Variants in XRCC4 observed in about 807,000 individuals in gnomAD.
XRCC4 encodes the protein X-ray repair cross complementing 4, also known as DNA repair protein XRCC4.
A neutral mutation model predicts 39.1 loss-of-function variants in XRCC4; 28 were observed. That is an observed-to-expected ratio of 0.72 (90% confidence interval 0.53 to 0.98). XRCC4 has a LOEUF of 0.98. Among genes scored for constraint, XRCC4 ranks in the 50% least tolerant of loss-of-function variants. The probability of loss-of-function intolerance (pLI) is 0.00; values close to 1 mark genes in which losing one functional copy is unlikely to be tolerated. For missense variants in XRCC4, 350 were observed against 376.4 expected (o/e 0.93, Z 0.58); for synonymous variants, 123 against 126.4 (o/e 0.97, Z 0.18).
chr5:83,366,129 GGTGA>G, the XRCC4 span, among the ~76,000 whole-genome samples: 1 of 152,058 alleles, frequency 6.6e-6, no homozygotes, highest in Non-Finnish European at 1.5e-5. Context: ...TTTATACATA[GGTGA>G]GTATTATACA....
At chr5:83,182,902 G>A (rs1750266332) in intron 3 of XRCC4, among the ~76,000 whole-genome samples, 1 of 152,162 alleles carries the variant, frequency 6.6e-6, no homozygotes, top group Admixed American at 6.5e-5. Context: ...TCCTAGAACT[G>A]TGAGCAGTTA....
At chr5:83,190,744 TTTTA>T (rs1247252596) in intron 3 of XRCC4, among the ~76,000 whole-genome samples, 1 of 152,202 alleles carries the variant, frequency 6.6e-6, no homozygotes, top group Non-Finnish European at 1.5e-5. Context: ...TTACTGATAC[TTTTA>T]TTTGTGTGGC....
Position 83,138,071 on chromosome 5 carries a change from A to G in XRCC4, c.315+26868A>G, listed in dbSNP as rs145565552. ...TGAGTTCAGATAGATTAATAATGCTAACTCACAGGGTTTTATGCTTGTGGA... is the reference window on the plus strand; with the variant it reads ...TGAGTTCAGATAGATTAATAATGCTGACTCACAGGGTTTTATGCTTGTGGA... On this transcript the variant is annotated intron_variant, in intron 3 of 7. Coordinates refer to ENST00000396027, the MANE Select transcript of XRCC4 (RefSeq NM_003401.5). Among the ~76,000 whole-genome samples, 322 of 152,274 alleles carry G rather than the reference A, an allele frequency of 2.1e-3. 5 individuals are homozygous for G. Among genetic ancestry groups the G allele is most frequent in the Admixed American group, 0.016 (242 of 15,296 alleles).
At chr5:83,125,746 GC>G (rs1364170168) in intron 3 of XRCC4, among the ~76,000 whole-genome samples, 3 of 91,504 alleles carry the variant, frequency 3.3e-5, no homozygotes, top group African/African-American at 1.5e-4. Flanking sequence ...ATTCCAACAG[GC>G]CGAGGCGGGT....
At chr5:83,259,153 C>G (rs556984366) in intron 7 of XRCC4, 1 of 159,616 alleles carries the variant, frequency 6.3e-6, no homozygotes, top group East Asian at 1.9e-4. Flanking sequence ...CTCTTTGGTT[C>G]TGATTACCCT....
the XRCC4 span, among the ~76,000 whole-genome samples, chr5:83,371,385 A>G: frequency 5.6e-3 from 854 of 152,338 alleles, 8 homozygotes; most frequent in African/African-American, 0.019. Context: ...ACAAGAACCC[A>G]GTCTTTCTTT....
In XRCC4 at chr5:83,284,448, A is replaced by G. The variant is rs77596521; in HGVS notation, c.893+25771A>G. ...TGTAATTAAAACTGAAATCATTTAT[A>G]AAGTTGTTTGTACCAAAATAATTCC... is the stretch of plus-strand genomic sequence containing the variant. On this transcript the variant is annotated intron_variant, in intron 7 of 7. Transcript: ENST00000396027. Among the ~76,000 whole-genome samples the G allele has an allele frequency of 6.1e-3, 926 of 152,236 alleles. 10 individuals are homozygous for G. The highest frequency in any genetic ancestry group is 0.021 in the African/African-American group (872 of 41,564).
chr5:83,313,239 C>G (rs886661419), intron 7 of XRCC4, among the ~76,000 whole-genome samples: 1 of 152,076 alleles, frequency 6.6e-6, no homozygotes, highest in East Asian at 1.9e-4. Flanking sequence ...AACTTTCTTA[C>G]GTATCCTTTA....
chr5:83,092,907 A>G (rs1270817182), intron 1 of XRCC4, among the ~76,000 whole-genome samples: 1 of 152,112 alleles, frequency 6.6e-6, no homozygotes, highest in African/African-American at 2.4e-5. Context: ...ATGATAGAAA[A>G]TAATTAACAA....
intron 3 of XRCC4, among the ~76,000 whole-genome samples, chr5:83,152,457 A>T (rs1263473701): frequency 6.6e-6 from 1 of 152,146 alleles, no homozygotes; most frequent in East Asian, 1.9e-4. Flanking sequence ...ACATGGTGAA[A>T]CCCTGTCTCG....
intron 3 of XRCC4, among the ~76,000 whole-genome samples, chr5:83,131,132 T>C (rs533320353): frequency 6.6e-6 from 1 of 152,130 alleles, no homozygotes; most frequent in Non-Finnish European, 1.5e-5. Context: ...CCTCTACACA[T>C]TACTTTAAAT....
chr5:83,305,497 A>T (rs915353254), intron 7 of XRCC4, among the ~76,000 whole-genome samples: 1 of 152,136 alleles, frequency 6.6e-6, no homozygotes, highest in Admixed American at 6.5e-5. Context: ...TGTTTCCCAA[A>T]ATGCTTGGGT....
At chr5:83,314,883 T>C (rs1755826561) in intron 7 of XRCC4, among the ~76,000 whole-genome samples, 1 of 152,084 alleles carries the variant, frequency 6.6e-6, no homozygotes, top group African/African-American at 2.4e-5. Flanking sequence ...AATATTGATA[T>C]TAGGCCAGTT....
intron 7 of XRCC4, among the ~76,000 whole-genome samples, chr5:83,293,644 T>C (rs1754999005): frequency 1.3e-5 from 2 of 152,010 alleles, no homozygotes; most frequent in Admixed American, 6.6e-5. Flanking sequence ...TATATTTATG[T>C]ATGTGTCTTC....
At chr5:83,367,531 C>T in the XRCC4 span, among the ~76,000 whole-genome samples, 1 of 152,134 alleles carries the variant, frequency 6.6e-6, no homozygotes, top group African/African-American at 2.4e-5. Context: ...TCTCAAGCTC[C>T]CTGAAAGAGC....
chr5:83,189,086 A>G (rs918672721), intron 3 of XRCC4, among the ~76,000 whole-genome samples: 3 of 152,222 alleles, frequency 2.0e-5, no homozygotes, highest in Admixed American at 6.5e-5. Context: ...GGTTGAGTCC[A>G]TATACAATAT....
intron 7 of XRCC4, among the ~76,000 whole-genome samples, chr5:83,339,639 T>A (rs910521435): frequency 1.3e-5 from 2 of 151,844 alleles, no homozygotes; most frequent in East Asian, 1.9e-4. Context: ...AAAAAAAAAA[T>A]TCAAGCTGTA....
chr5:83,268,017 A>G (rs1479984710), intron 7 of XRCC4, among the ~76,000 whole-genome samples: 1 of 152,216 alleles, frequency 6.6e-6, no homozygotes, highest in Non-Finnish European at 1.5e-5. Flanking sequence ...ATAATGGCAT[A>G]ATGAACAGAG....
intron 3 of XRCC4, among the ~76,000 whole-genome samples, chr5:83,135,530 C>A (rs943005699): frequency 2.0e-5 from 3 of 150,346 alleles, no homozygotes. Flanking sequence ...TTTCTATTTT[C>A]TTTTCTCGTT....
Sources: gnomAD v4.1 joint callset for allele counts (sites outside exome capture counted in the v4.1 genomes callset) on GRCh38, gnomAD v4.1.1 for gene constraint, MANE v1.5 for transcripts, NCBI Gene and HGNC (gene_info 2026-07-23, HGNC 2026-07-21) for gene names.